Variants in NTM observed in about 807,000 individuals in gnomAD.
NTM encodes the protein IgLON family member 2.
In NTM, 13 loss-of-function variants were observed where a neutral mutation model predicts 42.1. The ratio of observed to expected loss-of-function variants is 0.31; its 90% confidence interval spans 0.20 to 0.49. NTM has a LOEUF of 0.49. NTM is among the 20% of genes least tolerant of loss of function. NTM has a pLI of 0.99. For missense variants in NTM, 373 were observed against 452.8 expected (o/e 0.82, Z 1.60); for synonymous variants, 187 against 179.2 (o/e 1.04, Z -0.35).
intron 1 of NTM, among the ~76,000 whole-genome samples, chr11:131,552,398 A>C (rs146578597): frequency 0.021 from 3,190 of 152,128 alleles, 122 homozygotes; most frequent in African/African-American, 0.073. Flanking sequence ...ATGTGTGTAC[A>C]TAGGTACAAG....
intron 1 of NTM, chr11:131,536,207 A>G (rs1466876364): frequency 1.3e-5 from 2 of 152,170 alleles, no homozygotes; most frequent in Non-Finnish European, 2.9e-5. Flanking sequence ...AAGGTGGTAA[A>G]GTGCAAGGTA....
chr11:131,823,336 G>T (rs894522396), intron 1 of NTM, among the ~76,000 whole-genome samples: 1 of 152,026 alleles, frequency 6.6e-6, no homozygotes, highest in Non-Finnish European at 1.5e-5. Context: ...TAAATCTCTC[G>T]GTTTTGTTCT....
At position 131,385,549 on chromosome 11, in the gene NTM, G is replaced by A. The variant is rs112813141; in HGVS notation, c.82+14661G>A. Among the ~76,000 whole-genome samples, 613 of 152,228 alleles carry A rather than the reference G, an allele frequency of 4.0e-3. 7 individuals are homozygous for A. The highest frequency in any genetic ancestry group is 0.014 in the African/African-American group (591 of 41,540). ...TGCAACCACAGTGGAAAGAGTTTGG[G>A]GGTTTCTCAAAAAGCTAAACAGGCT... On this transcript the variant is annotated intron_variant, in intron 1 of 8. Coordinates refer to ENST00000683400, the MANE Select transcript of NTM (RefSeq NM_001352005.2).
At chr11:131,445,685 T>C (rs547793820) in intron 1 of NTM, among the ~76,000 whole-genome samples, 5 of 152,326 alleles carry the variant, frequency 3.3e-5, no homozygotes, top group African/African-American at 1.2e-4. Flanking sequence ...TTCCAAATGA[T>C]GAGCCTGGCA....
intron 6 of NTM, among the ~76,000 whole-genome samples, chr11:132,313,280 T>C (rs2095331475): frequency 6.6e-6 from 1 of 151,878 alleles, no homozygotes; most frequent in Admixed American, 6.5e-5. Flanking sequence ...CTCATCATTG[T>C]CAAACAGCCT....
chr11:131,843,523 A>G (rs1340126807), intron 1 of NTM, among the ~76,000 whole-genome samples: 1 of 152,208 alleles, frequency 6.6e-6, no homozygotes, highest in African/African-American at 2.4e-5. Context: ...TTATTGCAAG[A>G]CCTGTGGGCT....
At chr11:131,924,646 C>G (rs641075) in intron 2 of NTM, among the ~76,000 whole-genome samples, 28,915 of 129,424 alleles carry the variant, frequency 0.22, 3,583 homozygotes, top group East Asian at 0.41. Context: ...CCTTGGAAAC[C>G]TGTGTCCTGT....
chr11:131,972,794 T>C (rs1406809207), intron 2 of NTM, among the ~76,000 whole-genome samples: 2 of 152,046 alleles, frequency 1.3e-5, no homozygotes, highest in Admixed American at 6.6e-5. Context: ...TAAAAAAGAG[T>C]GCCACTTACA....
chr11:131,584,928 G>A (rs970348033), intron 1 of NTM, among the ~76,000 whole-genome samples: 6 of 152,128 alleles, frequency 3.9e-5, no homozygotes, highest in Admixed American at 3.9e-4. Flanking sequence ...GCAAAGAATA[G>A]GGAACGATGG....
intron 3 of NTM, among the ~76,000 whole-genome samples, chr11:132,196,297 CAG>C (rs1172612946): frequency 6.6e-6 from 1 of 152,056 alleles, no homozygotes; most frequent in Non-Finnish European, 1.5e-5. Context: ...CGAAAAGCAA[CAG>C]ATGTTGGCAA....
intron 2 of NTM, among the ~76,000 whole-genome samples, chr11:132,126,625 G>C (rs71470696): frequency 6.6e-6 from 1 of 152,152 alleles, no homozygotes; most frequent in Non-Finnish European, 1.5e-5. Context: ...CTCCCAAGAG[G>C]AGAGGAGCTG....
chr11:131,586,554 T>C (rs1201436482), intron 1 of NTM, among the ~76,000 whole-genome samples: 3 of 152,128 alleles, frequency 2.0e-5, no homozygotes, highest in Non-Finnish European at 4.4e-5. Context: ...GGCAAGACTT[T>C]AGATGAGACC....
intron 2 of NTM, among the ~76,000 whole-genome samples, chr11:131,977,537 T>A (rs1284167206): frequency 6.6e-6 from 1 of 152,190 alleles, no homozygotes; most frequent in African/African-American, 2.4e-5. Flanking sequence ...AAAAAAGGAT[T>A]TTGGTCTTAA....
intron 1 of NTM, among the ~76,000 whole-genome samples, chr11:131,688,662 A>T (rs2074253365): frequency 6.6e-6 from 1 of 152,218 alleles, no homozygotes. Flanking sequence ...TCTACCAGGC[A>T]GCAGGGCCCA....
chr11:131,625,529 G>A (rs2063013059), intron 1 of NTM, among the ~76,000 whole-genome samples: 1 of 152,000 alleles, frequency 6.6e-6, no homozygotes, highest in Non-Finnish European at 1.5e-5. Context: ...AGACTGAAAA[G>A]ATGAAGGAGG....
chr11:131,789,678 C>T lies in NTM; in HGVS notation c.83-121886C>T, dbSNP rs188507297. Among the ~76,000 whole-genome samples, 573 of 146,752 alleles carry T rather than the reference C, an allele frequency of 3.9e-3. 20 individuals are homozygous for T. Among genetic ancestry groups the T allele is most frequent in the African/African-American group, 0.013 (536 of 39,808 alleles). On this transcript the variant is annotated intron_variant, in intron 1 of 8. Coordinates refer to ENST00000683400, the MANE Select transcript of NTM (RefSeq NM_001352005.2). ...AGAAGAAGAAGAAGAAAGCATGGGCCGGGGGCGGTGGCTCTCGCCTGTAAT... is the reference window on the plus strand; with the variant it reads ...AGAAGAAGAAGAAGAAAGCATGGGCTGGGGGCGGTGGCTCTCGCCTGTAAT...
At chr11:131,717,858 C>T (rs1359482842) in intron 1 of NTM, among the ~76,000 whole-genome samples, 1 of 152,176 alleles carries the variant, frequency 6.6e-6, no homozygotes, top group East Asian at 1.9e-4. Flanking sequence ...GTTTTCTATA[C>T]ATGCTCTTTA....
At chr11:132,039,233 G>A (rs2076886288) in intron 2 of NTM, among the ~76,000 whole-genome samples, 1 of 152,042 alleles carries the variant, frequency 6.6e-6, no homozygotes, top group Non-Finnish European at 1.5e-5. Flanking sequence ...TTCTTACCCT[G>A]TCCTATTTTT....
At chr11:131,435,124 C>A (rs945506158) in intron 1 of NTM, among the ~76,000 whole-genome samples, 1 of 152,006 alleles carries the variant, frequency 6.6e-6, no homozygotes, top group African/African-American at 2.4e-5. Flanking sequence ...ATTTCTGAGG[C>A]CTCTGTTCTG....
Sources: gnomAD v4.1 joint callset for allele counts (sites outside exome capture counted in the v4.1 genomes callset) on GRCh38, gnomAD v4.1.1 for gene constraint, MANE v1.5 for transcripts, NCBI Gene and HGNC (gene_info 2026-07-23, HGNC 2026-07-21) for gene names.